RIPOR2: variants seen among roughly 807,000 people sequenced by gnomAD.
RIPOR2 encodes rho family-interacting cell polarization regulator 2.
A neutral mutation model predicts 114.5 loss-of-function variants in RIPOR2; 39 were observed. The observed-to-expected ratio is 0.34, with a 90% confidence interval of 0.26 to 0.44. The LOEUF (loss-of-function observed/expected upper bound fraction) is 0.44. Among genes scored for constraint, RIPOR2 ranks in the 20% least tolerant of loss-of-function variants. RIPOR2 has a pLI of 1.00. For synonymous variants in RIPOR2, 445 were observed against 484.4 expected (o/e 0.92, Z 1.07); for missense variants, 1,007 against 1,255.1 (o/e 0.80, Z 2.99).
In RIPOR2 at chr6:24,842,875, T is replaced by C. The variant is rs759421050; in HGVS notation, c.1844A>G (p.Asp615Gly). The change falls in exon 13 of 22, where the codon GAT becomes GGT. Residue 615 changes from aspartate (D) to glycine (G), a missense_variant. By Grantham distance (94) the Asp-to-Gly change is moderately conservative. Transcript: ENST00000643898. ...AAAGGTACTTACTTTTAGAATATCA[T>C]CCAAATTCATGACTTCTTGGTTCAG... ...QDLNQEVMNL[D>G]DILKCKPAVS... The C allele has an allele frequency of 2.1e-6, 3 of 1,444,564 alleles. No individual in the cohort carries two copies. The East Asian group carries it at 7.2e-5, about 35-fold the overall frequency. 89.5% of individuals were successfully genotyped at this position (1,444,564 alleles called of 1,614,324 possible). A position where few individuals can be genotyped will look rare whatever the true frequency, so the allele number is the denominator to read the frequency against.
intron 1 of RIPOR2, among the ~76,000 whole-genome samples, chr6:24,926,354 G>GCC (rs1453414108): frequency 2.6e-5 from 4 of 152,164 alleles, no homozygotes; most frequent in Non-Finnish European, 5.9e-5. Flanking sequence ...GAGGCAAGGG[G>GCC]CCCCTCTACA....
chr6:24,990,804 T>C (rs150168159), intron 1 of RIPOR2, among the ~76,000 whole-genome samples: 411 of 152,258 alleles, frequency 2.7e-3, no homozygotes, highest in African/African-American at 9.4e-3. Context: ...TAGAAAAGAA[T>C]GGATGGGCCA....
intron 1 of RIPOR2, among the ~76,000 whole-genome samples, chr6:25,012,909 TA>T (rs963924883): frequency 1.7e-4 from 26 of 151,276 alleles, no homozygotes; most frequent in Middle Eastern, 3.4e-3. Flanking sequence ...AAAGTTGTTT[TA>T]AAAAAAAACA....
chr6:24,877,191 C>T (rs1765872907), intron 1 of RIPOR2: 3 of 985,310 alleles, frequency 3.0e-6, no homozygotes, highest in South Asian at 9.4e-5. Flanking sequence ...CTAGACCTTC[C>T]TCAAAGCTAC....
chr6:24,947,030 GA>G (rs1772452879), intron 1 of RIPOR2, among the ~76,000 whole-genome samples: 2 of 152,082 alleles, frequency 1.3e-5, no homozygotes, highest in African/African-American at 4.8e-5. Context: ...AAAGAAGAAA[GA>G]AAAAAGGAGG....
chr6:24,921,550 C>T (rs1472765229), intron 1 of RIPOR2, among the ~76,000 whole-genome samples: 2 of 152,118 alleles, frequency 1.3e-5, no homozygotes, highest in Admixed American at 1.3e-4. Flanking sequence ...TATGTTCAGA[C>T]CTTGACTTCA....
At chr6:24,849,989 A>G (rs1316947484) in intron 10 of RIPOR2, 39 bp from the exon 11 acceptor site, 1 of 1,566,594 alleles carries the variant, frequency 6.4e-7, no homozygotes. Context: ...CTTACATCAC[A>G]GCAGAGGAGA....
At chr6:24,809,633 T>C (rs1581457474) in intron 21 of RIPOR2, 84 bp downstream of exon 21, 1 of 917,616 alleles carries the variant, frequency 1.1e-6, no homozygotes, top group South Asian at 1.4e-5. Flanking sequence ...TTCTCCTTAC[T>C]GGAGAAGGGA....
chr6:24,921,125 C>A (rs1364874338), intron 1 of RIPOR2, among the ~76,000 whole-genome samples: 1 of 151,884 alleles, frequency 6.6e-6, no homozygotes, highest in African/African-American at 2.4e-5. Flanking sequence ...TAAGGCTTTA[C>A]AGGAGCTGAA....
At chr6:25,012,080 T>C (rs1167496155) in intron 1 of RIPOR2, among the ~76,000 whole-genome samples, 3 of 152,160 alleles carry the variant, frequency 2.0e-5, no homozygotes, top group African/African-American at 4.8e-5. Flanking sequence ...ACAGTTTGAA[T>C]AGACATTTCT....
intron 1 of RIPOR2, among the ~76,000 whole-genome samples, chr6:24,981,903 G>A (rs997004896): frequency 1.3e-5 from 2 of 152,144 alleles, no homozygotes; most frequent in Admixed American, 6.5e-5. Flanking sequence ...GTTTATTTAC[G>A]CCTAACATGG....
intron 1 of RIPOR2, among the ~76,000 whole-genome samples, chr6:24,882,001 C>T (rs1766397045): frequency 6.6e-6 from 1 of 152,178 alleles, no homozygotes; most frequent in South Asian, 2.1e-4. Flanking sequence ...TAACCTGTCT[C>T]TTAAGAATAA....
chr6:24,963,560 T>C (rs968559398), intron 1 of RIPOR2, among the ~76,000 whole-genome samples: 24 of 152,312 alleles, frequency 1.6e-4, no homozygotes, highest in Non-Finnish European at 1.8e-4. Context: ...AGTACACATA[T>C]ATACATATAC....
At chr6:25,036,640 A>G (rs957748711) in intron 1 of RIPOR2, among the ~76,000 whole-genome samples, 3 of 152,058 alleles carry the variant, frequency 2.0e-5, no homozygotes, top group Non-Finnish European at 4.4e-5. Flanking sequence ...TGATCCTCCC[A>G]CCTCAGCCTC....
At chr6:25,036,180 T>G (rs1777243461) in intron 1 of RIPOR2, among the ~76,000 whole-genome samples, 1 of 152,142 alleles carries the variant, frequency 6.6e-6, no homozygotes, top group Non-Finnish European at 1.5e-5. Context: ...ACAAGACAAT[T>G]AAGTCACATT....
At chr6:24,877,478 AT>A in intron 1 of RIPOR2, 1 of 318,770 alleles carries the variant, frequency 3.1e-6, no homozygotes, top group Non-Finnish European at 4.5e-6. Context: ...ATTCTCCAGA[AT>A]TTTAGAAGTA....
At chr6:24,954,559 G>A (rs1428072907) in intron 1 of RIPOR2, among the ~76,000 whole-genome samples, 3 of 149,526 alleles carry the variant, frequency 2.0e-5, no homozygotes, top group Admixed American at 1.4e-4. Context: ...AGGCTTAAGC[G>A]TTTCTCCTGT....
intron 1 of RIPOR2, among the ~76,000 whole-genome samples, chr6:24,952,989 T>C (rs1042701990): frequency 2.0e-5 from 3 of 152,204 alleles, no homozygotes; most frequent in Non-Finnish European, 4.4e-5. Context: ...ATTTCATATA[T>C]AGAAGTCCTA....
chr6:24,912,213 T>A (rs571233293), intron 1 of RIPOR2, among the ~76,000 whole-genome samples: 1 of 152,338 alleles, frequency 6.6e-6, no homozygotes, highest in African/African-American at 2.4e-5. Context: ...ACCATCTCTG[T>A]CTGATATAAG....
Sources: allele counts gnomAD v4.1 joint callset (sites outside exome capture counted in the v4.1 genomes callset), GRCh38; gene constraint gnomAD v4.1.1; transcripts MANE v1.5; gene names NCBI Gene and HGNC (gene_info 2026-07-23, HGNC 2026-07-21).